ROR1: variants seen among roughly 807,000 people sequenced by gnomAD.
ROR1 encodes the protein inactive tyrosine-protein kinase transmembrane receptor ROR1.
In ROR1, 19 loss-of-function variants were observed where a neutral mutation model predicts 78.8. The observed-to-expected ratio is 0.24, with a 90% CI of 0.17 to 0.35. The LOEUF (loss-of-function observed/expected upper bound fraction) is 0.35. Among genes scored for constraint, ROR1 ranks in the 10% least tolerant of loss-of-function variants. The pLI, the probability that ROR1 is intolerant of heterozygous loss-of-function variation, is 1.00. For synonymous variants in ROR1, 386 were observed against 433.6 expected (o/e 0.89, Z 1.36); for missense variants, 917 against 1,177.8 (o/e 0.78, Z 3.24).
Position 64,049,826 on chromosome 1 carries a change from A to G in ROR1, c.299A>G (p.Gln100Arg). The change falls in exon 3 of 9, where the codon CAG (glutamine) becomes CGG (arginine). Residue 100 changes from glutamine (Q) to arginine (R), a missense_variant. Transcript: ENST00000371079. ...TTCAAAAATGATGCTCCTGTGGTCC[A>G]GGAGCCCCGGAGGCTCTCCTTTCGG... ...RWFKNDAPVV[Q>R]EPRRLSFRST... is the part of the protein sequence containing the mutation. The G allele has an allele frequency of 6.2e-7, 1 of 1,614,248 alleles. No individual in the cohort carries two copies. Among genetic ancestry groups the G allele is most frequent in the Non-Finnish European group, 8.5e-7 (1 of 1,180,034 alleles).
chr1:64,145,511 G>A (rs1339593969), intron 7 of ROR1, among the ~76,000 whole-genome samples: 4 of 152,108 alleles, frequency 2.6e-5, no homozygotes, highest in Non-Finnish European at 5.9e-5. Context: ...TTGTGTTGCC[G>A]GGTTTCATAC....
chr1:63,979,529 A>G (rs944308470), intron 1 of ROR1, among the ~76,000 whole-genome samples: 5 of 152,208 alleles, frequency 3.3e-5, no homozygotes, highest in Admixed American at 2.6e-4. Context: ...CAAATGCTCA[A>G]TAAGGCAGAG....
intron 1 of ROR1, among the ~76,000 whole-genome samples, chr1:63,974,571 T>C (rs1200282184): frequency 6.6e-6 from 1 of 152,190 alleles, no homozygotes. Flanking sequence ...GCCTCCAATA[T>C]GAGTTTTTAA....
intron 1 of ROR1, among the ~76,000 whole-genome samples, chr1:63,927,179 G>A (rs1468250046): frequency 3.2e-5 from 2 of 62,464 alleles, no homozygotes; most frequent in East Asian, 1.5e-3. Flanking sequence ...TTTGAAATAC[G>A]TCCCATCAAT....
At chr1:63,839,802 TTTTCTTTTA>T (rs1263330115) in intron 1 of ROR1, among the ~76,000 whole-genome samples, 6 of 152,198 alleles carry the variant, frequency 3.9e-5, no homozygotes, top group African/African-American at 1.4e-4. Flanking sequence ...ATTGTTTTTC[TTTTCTTTTA>T]TTTCTTTTAT....
chr1:63,927,537 A>G (rs1466160712), intron 1 of ROR1, among the ~76,000 whole-genome samples: 1 of 127,132 alleles, frequency 7.9e-6, no homozygotes, highest in Non-Finnish European at 1.7e-5. Context: ...AATGAGTTAG[A>G]GAGGATTCCC....
intron 1 of ROR1, among the ~76,000 whole-genome samples, chr1:64,007,901 A>G (rs1646441878): frequency 6.8e-6 from 1 of 147,892 alleles, no homozygotes; most frequent in South Asian, 2.1e-4. Flanking sequence ...ATTTCTGCAG[A>G]TTTGTTTTCT....
At chr1:63,883,938 C>T (rs1645340189) in intron 1 of ROR1, among the ~76,000 whole-genome samples, 1 of 152,180 alleles carries the variant, frequency 6.6e-6, no homozygotes, top group Non-Finnish European at 1.5e-5. Flanking sequence ...AGAGATCCAG[C>T]TCCTACTCCT....
intron 2 of ROR1, among the ~76,000 whole-genome samples, chr1:64,029,897 T>C (rs1321255661): frequency 6.6e-6 from 1 of 152,224 alleles, no homozygotes. Flanking sequence ...TTATGCTGTT[T>C]TCCCAGCATA....
chr1:63,893,140 G>A (rs923822504), intron 1 of ROR1, among the ~76,000 whole-genome samples: 21 of 152,110 alleles, frequency 1.4e-4, no homozygotes, highest in African/African-American at 3.4e-4. Flanking sequence ...ATGTTTCTTC[G>A]AGGGGAGATT....
chr1:64,023,522 T>C (rs1239963428), intron 2 of ROR1, among the ~76,000 whole-genome samples: 2 of 151,916 alleles, frequency 1.3e-5, no homozygotes, highest in Non-Finnish European at 2.9e-5. Flanking sequence ...TAAATAATTT[T>C]CTTCCTTTAA....
chr1:63,794,926 T>C (rs767182444), intron 1 of ROR1, among the ~76,000 whole-genome samples: 2 of 151,504 alleles, frequency 1.3e-5, no homozygotes, highest in Non-Finnish European at 2.9e-5. Flanking sequence ...TTGGGGTGGG[T>C]GGAGAGACAT....
intron 1 of ROR1, among the ~76,000 whole-genome samples, chr1:63,859,228 G>A (rs1038076141): frequency 1.3e-5 from 2 of 152,076 alleles, no homozygotes; most frequent in East Asian, 1.9e-4. Flanking sequence ...GGTGTTGAGC[G>A]CTTTTAAGTA....
intron 1 of ROR1, among the ~76,000 whole-genome samples, chr1:63,989,788 C>T (rs1433896975): frequency 3.3e-5 from 5 of 152,192 alleles, no homozygotes; most frequent in African/African-American, 1.2e-4. Context: ...TTGGAAATCA[C>T]ACCATCTCTC....
Position 64,009,383 on chromosome 1 carries a change from A to T in ROR1, c.163+7A>T, listed in dbSNP as rs762079130. The stretch of plus-strand genomic sequence containing the variant: ...TCAAGTGAACTCAACAAAGGTACAC[A>T]GTGGGGGCACACAGGGGAGGCGAGG... On this transcript the variant is annotated splice_region_variant and intron_variant, in intron 2 of 8. Transcript: ENST00000371079. The T allele has an allele frequency of 1.9e-6, 3 of 1,609,074 alleles. No homozygotes were observed. The highest frequency in any genetic ancestry group is 2.6e-6 in the Non-Finnish European group (3 of 1,175,506).
chr1:63,899,313 A>C (rs1279243100), intron 1 of ROR1, among the ~76,000 whole-genome samples: 2 of 152,264 alleles, frequency 1.3e-5, no homozygotes, highest in African/African-American at 4.8e-5. Context: ...TGCCTGCCAG[A>C]GTCTCCCGAC....
chr1:63,958,094 CT>C (rs1645998239), intron 1 of ROR1, among the ~76,000 whole-genome samples: 1 of 152,180 alleles, frequency 6.6e-6, no homozygotes, highest in South Asian at 2.1e-4. Context: ...ATTCCTCATT[CT>C]TTCTAACAGC....
intron 1 of ROR1, among the ~76,000 whole-genome samples, chr1:64,001,488 A>T (rs1646382454): frequency 6.6e-6 from 1 of 152,230 alleles, no homozygotes; most frequent in East Asian, 1.9e-4. Flanking sequence ...TATTTTAACA[A>T]TGTCAAATTC....
At chr1:64,148,544 T>C (rs1021956475) in intron 7 of ROR1, among the ~76,000 whole-genome samples, 1 of 152,198 alleles carries the variant, frequency 6.6e-6, no homozygotes, top group Non-Finnish European at 1.5e-5. Flanking sequence ...TACTGATAAC[T>C]TTTGTTTTAG....
Sources: gnomAD v4.1 joint callset for allele counts (sites outside exome capture counted in the v4.1 genomes callset) on GRCh38, gnomAD v4.1.1 for gene constraint, MANE v1.5 for transcripts, NCBI Gene and HGNC (gene_info 2026-07-23, HGNC 2026-07-21) for gene names.